Variants in NEXN observed in about 807,000 individuals in gnomAD.
NEXN encodes the protein nexilin F-actin binding protein.
NEXN carries 65 observed loss-of-function variants against 92.6 expected under a neutral mutation model. The observed-to-expected ratio is 0.70, with a 90% CI of 0.57 to 0.86. The LOEUF is 0.86. NEXN is among the 40% of genes least tolerant of loss of function. NEXN has a pLI of 0.00. For missense variants in NEXN, 778 were observed against 771.1 expected (o/e 1.01, Z -0.11); for synonymous variants, 254 against 242.5 (o/e 1.05, Z -0.44).
chr1:77,922,298 C>A (rs967739488), intron 5 of NEXN, among the ~76,000 whole-genome samples: 1 of 151,748 alleles, frequency 6.6e-6, no homozygotes. Context: ...CGCCACCATG[C>A]CTGGCTAATT....
At chr1:77,900,977 A>G (rs1647657830) in intron 1 of NEXN, among the ~76,000 whole-genome samples, 1 of 152,214 alleles carries the variant, frequency 6.6e-6, no homozygotes, top group East Asian at 1.9e-4. Flanking sequence ...CCAGATACAA[A>G]GTCTCTTGGC....
chr1:77,902,053 ATTAT>A (rs902471601), intron 1 of NEXN, among the ~76,000 whole-genome samples: 23 of 152,182 alleles, frequency 1.5e-4, no homozygotes, highest in African/African-American at 5.5e-4. Flanking sequence ...CCTATTCGTT[ATTAT>A]TTATGTAGTA....
intron 10 of NEXN, among the ~76,000 whole-genome samples, chr1:77,934,806 T>C (rs1650615482): frequency 6.6e-6 from 1 of 152,242 alleles, no homozygotes; most frequent in African/African-American, 2.4e-5. Flanking sequence ...CTGGCAATGC[T>C]ATGGCATGTT....
At chr1:77,911,947 C>T (rs974296751) in intron 1 of NEXN, among the ~76,000 whole-genome samples, 1 of 151,534 alleles carries the variant, frequency 6.6e-6, no homozygotes, top group East Asian at 2.0e-4. Flanking sequence ...GATGTGGTGG[C>T]ACGCACCTGT....
intron 1 of NEXN, among the ~76,000 whole-genome samples, chr1:77,892,034 G>T (rs2102023326): frequency 1.3e-5 from 2 of 151,942 alleles, no homozygotes; most frequent in African/African-American, 4.8e-5. Flanking sequence ...AGTGCACCGT[G>T]CTTGTACCAC....
At chr1:77,933,748 T>C (rs921000547) in intron 10 of NEXN, among the ~76,000 whole-genome samples, 5 of 152,198 alleles carry the variant, frequency 3.3e-5, no homozygotes, top group African/African-American at 1.2e-4. Context: ...TTCATAAATA[T>C]GCATATATTC....
chr1:77,930,747 C>T (rs1650222206), intron 9 of NEXN, among the ~76,000 whole-genome samples: 1 of 152,226 alleles, frequency 6.6e-6, no homozygotes. Context: ...ACTCCTTTCC[C>T]TATGCTCTGC....
intron 10 of NEXN, among the ~76,000 whole-genome samples, chr1:77,934,011 A>AT (rs71075780): frequency 0.052 from 5,965 of 114,254 alleles, 330 homozygotes; most frequent in South Asian, 0.13. Flanking sequence ...CTAATTTTTA[A>AT]TTTTTTTTTT....
intron 11 of NEXN, among the ~76,000 whole-genome samples, chr1:77,939,935 G>T (rs534266629): frequency 5.9e-5 from 9 of 152,232 alleles, no homozygotes; most frequent in African/African-American, 2.2e-4. Flanking sequence ...TTAGCCGGGC[G>T]TGGTGGCAGA....
chr1:77,931,231 C>CAAAAAAAAAAA (rs367898061), intron 9 of NEXN, among the ~76,000 whole-genome samples: 33 of 120,564 alleles, frequency 2.7e-4, no homozygotes, highest in East Asian at 6.8e-4. Context: ...ACTAAAAATA[C>CAAAAAAAAAAA]AAAAAAAAAA....
chr1:77,926,287 TA>T, intron 6 of NEXN, 126 bp from the exon 7 acceptor site: 7 of 628,648 alleles, frequency 1.1e-5, no homozygotes, highest in Non-Finnish European at 1.7e-5. Context: ...TAATAATCTG[TA>T]AAAAAATGTT....
chr1:77,902,242 C>G (rs1240109799), intron 1 of NEXN, among the ~76,000 whole-genome samples: 2 of 152,018 alleles, frequency 1.3e-5, no homozygotes, highest in African/African-American at 2.4e-5. Context: ...AATAGGTATT[C>G]AATTTGTTAT....
chr1:77,913,254 C>T (rs1308728369), intron 1 of NEXN, among the ~76,000 whole-genome samples: 1 of 151,826 alleles, frequency 6.6e-6, no homozygotes, highest in Non-Finnish European at 1.5e-5. Context: ...ATCTCTACTA[C>T]AAATACAAAA....
At chr1:77,906,832 A>T (rs532407465) in intron 1 of NEXN, among the ~76,000 whole-genome samples, 19 of 151,576 alleles carry the variant, frequency 1.3e-4, no homozygotes, top group Admixed American at 3.3e-4. Flanking sequence ...ATTTTTTTTT[A>T]AATTGTAGAG....
chr1:77,914,293 T>C (rs1452546630), intron 1 of NEXN, among the ~76,000 whole-genome samples: 2 of 152,036 alleles, frequency 1.3e-5, no homozygotes, highest in African/African-American at 2.4e-5. Context: ...ACCACTCCAA[T>C]AGGTGGTAAT....
rs1324188637 is a variant in NEXN, at chr1:77,917,686, T to G, written c.148T>G (p.Ser50Ala). 3 of 1,612,202 alleles carry G rather than the reference T, an allele frequency of 1.9e-6. No homozygotes were observed. Among genetic ancestry groups the G allele is most frequent in the Non-Finnish European group, 1.7e-6 (2 of 1,179,014 alleles). ...CAGGGAAGAAAGAAATCAAAGGAGA[T>G]CTAGAGACGAAAAACAAAGAAGAAA... is the stretch of plus-strand genomic sequence containing the variant. Reference protein sequence around the residue: ...RAREERNQRRSRDEKQRRKEQ... With the variant: ...RAREERNQRRARDEKQRRKEQ... The change falls in exon 3 of 13, where the codon TCT becomes GCT. Residue 50 changes from serine (S) to alanine (A), a missense_variant. Transcript: ENST00000334785.
At chr1:77,909,731 A>C (rs1648412347) in intron 1 of NEXN, among the ~76,000 whole-genome samples, 1 of 152,178 alleles carries the variant, frequency 6.6e-6, no homozygotes, top group African/African-American at 2.4e-5. Flanking sequence ...CCTTCCCATA[A>C]AGAAAACTTC....
At chr1:77,892,369 T>C (rs1025987474) in intron 1 of NEXN, among the ~76,000 whole-genome samples, 6 of 152,124 alleles carry the variant, frequency 3.9e-5, no homozygotes, top group Admixed American at 3.9e-4. Flanking sequence ...AGGAACAATA[T>C]ACTGGAACTA....
intron 1 of NEXN, among the ~76,000 whole-genome samples, chr1:77,903,389 C>CTA (rs1444218828): frequency 1.3e-5 from 2 of 152,092 alleles, no homozygotes; most frequent in Admixed American, 6.5e-5. Context: ...AGTAGCTGCC[C>CTA]TATAGCAACT....
Sources: allele counts gnomAD v4.1 joint callset (sites outside exome capture counted in the v4.1 genomes callset), GRCh38; gene constraint gnomAD v4.1.1; transcripts MANE v1.5; gene names NCBI Gene and HGNC (gene_info 2026-07-23, HGNC 2026-07-21).